Variants in HUNK observed in about 807,000 individuals in gnomAD.
HUNK encodes hormonally up-regulated Neu-associated kinase.
In HUNK, 21 loss-of-function variants were observed where a neutral mutation model predicts 61.0. The ratio of observed to expected loss-of-function variants is 0.34; its 90% CI spans 0.24 to 0.50. The LOEUF (loss-of-function observed/expected upper bound fraction) is 0.50. Ranked by LOEUF, HUNK falls within the 20% of genes least tolerant of loss-of-function variation. The probability of loss-of-function intolerance (pLI) is 0.98; values close to 1 mark genes in which losing one functional copy is unlikely to be tolerated. For synonymous variants in HUNK, 371 were observed against 386.1 expected, an observed-to-expected ratio of 0.96 and a Z score of 0.46; for missense variants, 772 against 945.7, an observed-to-expected ratio of 0.82 and a Z score of 2.41.
intron 4 of HUNK, among the ~76,000 whole-genome samples, chr21:31,957,978 C>T (rs1190226267): frequency 6.6e-6 from 1 of 152,316 alleles, no homozygotes; most frequent in Admixed American, 6.5e-5. Context: ...GTGACTGGAG[C>T]TTCCACTGTA....
intron 7 of HUNK, among the ~76,000 whole-genome samples, chr21:31,981,862 T>C (rs13046677): frequency 3.7e-4 from 55 of 149,240 alleles, no homozygotes; most frequent in Middle Eastern, 3.4e-3. Flanking sequence ...TATTTACTTA[T>C]TTATTTAGTT....
chr21:31,874,145 GGGGCTTGGGAGGGGAC>G (rs1174781025), intron 1 of HUNK, among the ~76,000 whole-genome samples: 1 of 152,052 alleles, frequency 6.6e-6, no homozygotes, highest in East Asian at 2.0e-4. Context: ...CCGGGGGTTG[GGGGCTTGGGAGGGGAC>G]GGCCTTGCCC....
At chr21:31,993,236 C>T (rs2053182942) in intron 9 of HUNK, among the ~76,000 whole-genome samples, 1 of 152,154 alleles carries the variant, frequency 6.6e-6, no homozygotes, top group Non-Finnish European at 1.5e-5. Context: ...ACGCATTACA[C>T]ACCACTAGGT....
At chr21:31,897,954 G>A (rs2052436856) in intron 1 of HUNK, among the ~76,000 whole-genome samples, 1 of 152,142 alleles carries the variant, frequency 6.6e-6, no homozygotes, top group South Asian at 2.1e-4. Flanking sequence ...AAGTGCACTT[G>A]GGCTTATGGT....
chr21:31,950,177 G>A (rs79998515), intron 4 of HUNK, among the ~76,000 whole-genome samples: 4,383 of 152,240 alleles, frequency 0.029, 218 homozygotes, highest in East Asian at 0.16. Flanking sequence ...TGTGGTAATG[G>A]CTGTGGAGGA....
At chr21:31,938,944 C>T (rs79296590) in intron 2 of HUNK, among the ~76,000 whole-genome samples, 5,411 of 152,272 alleles carry the variant, frequency 0.036, 295 homozygotes, top group African/African-American at 0.12. Flanking sequence ...ATGATCTCAT[C>T]GGTAATCTGG....
At chr21:31,977,305 A>C (rs2053057147) in intron 7 of HUNK, among the ~76,000 whole-genome samples, 1 of 152,216 alleles carries the variant, frequency 6.6e-6, no homozygotes, top group Non-Finnish European at 1.5e-5. Flanking sequence ...TAAGAATTTA[A>C]ATAGTCTTCA....
chr21:31,979,319 A>T (rs1264163545), intron 7 of HUNK, among the ~76,000 whole-genome samples: 2 of 151,456 alleles, frequency 1.3e-5, no homozygotes, highest in African/African-American at 4.9e-5. Context: ...GGGTTTCACC[A>T]TGTTGGCCAG....
At chr21:31,940,740 G>A (rs935806693) in intron 3 of HUNK, among the ~76,000 whole-genome samples, 2 of 152,152 alleles carry the variant, frequency 1.3e-5, no homozygotes, top group African/African-American at 4.8e-5. Context: ...CATAATTCAT[G>A]GTCCATAGCA....
chr21:31,907,050 C>T (rs537491417), intron 1 of HUNK, among the ~76,000 whole-genome samples: 1 of 152,226 alleles, frequency 6.6e-6, no homozygotes, highest in Non-Finnish European at 1.5e-5. Flanking sequence ...TGGCAGGCAC[C>T]TGTAATCCCA....
At chr21:31,903,172 G>T (rs1278051693) in intron 1 of HUNK, among the ~76,000 whole-genome samples, 1 of 151,942 alleles carries the variant, frequency 6.6e-6, no homozygotes, top group Non-Finnish European at 1.5e-5. Flanking sequence ...ATGGGGCCCA[G>T]TGGGATAGAA....
chr21:31,885,063 T>C (rs1347256202), intron 1 of HUNK, among the ~76,000 whole-genome samples: 1 of 151,868 alleles, frequency 6.6e-6, no homozygotes, highest in Non-Finnish European at 1.5e-5. Flanking sequence ...CAGGCACGAG[T>C]CATCGCGCCT....
chr21:32,000,322 T>A lies in HUNK; in HGVS notation c.*1138T>A, dbSNP rs1266042505. On this transcript the variant is annotated 3_prime_UTR_variant, in exon 11 of 11. Transcript: ENST00000270112. The stretch of plus-strand genomic sequence containing the variant: ...AGAACCTGTTCAGATACAGGCCAGT[T>A]TCTTCTTCGAGGAAAGCCAAGCTCC... 5.0e-6 allele frequency: 2 copies of A among 398,928 alleles called. No homozygotes were observed. The highest frequency in any genetic ancestry group is 8.8e-6 in the Non-Finnish European group (2 of 226,104). The allele number at this position is 398,928 out of a possible 1,614,324, so 24.7% of individuals were successfully genotyped here. A position where few individuals can be genotyped will look rare whatever the true frequency, so the allele number is the denominator to read the frequency against.
rs2053257971 is a variant in HUNK at position 32,003,273 on chromosome 21, T to C, written c.*4089T>C. The C allele has an allele frequency of 6.6e-6, 1 of 152,206 alleles. No homozygotes were observed. The highest frequency in any genetic ancestry group is 1.5e-5 in the Non-Finnish European group (1 of 68,034). The allele number at this position is 152,206 out of a possible 1,614,324, so 9.4% of individuals were successfully genotyped here. The stretch of plus-strand genomic sequence containing the variant: ...ACCTTATGCTGTTTGTCCCATCCAC[T>C]CTTGAAGCTGGGGAAAGACAGCTTT... On this transcript the variant is annotated 3_prime_UTR_variant, in exon 11 of 11. Coordinates refer to ENST00000270112, the MANE Select transcript of HUNK (RefSeq NM_014586.2).
Position 31,924,395 on chromosome 21 carries a change from T to C in HUNK, c.262-73T>C. The C allele has an allele frequency of 1.4e-6, 2 of 1,427,114 alleles. No individual in the cohort carries two copies. Among genetic ancestry groups the C allele is most frequent in the East Asian group, 4.6e-5 (2 of 43,548 alleles). The allele number at this position is 1,427,114 out of a possible 1,614,324, so 88.4% of individuals were successfully genotyped here. On this transcript the variant is annotated intron_variant, in intron 1 of 10. Transcript: ENST00000270112. The surrounding 1 kb of genome is among the most constrained non-coding windows in gnomAD (Gnocchi z 5.1). ...AGACATAGCTAGCATTTTTCTTGGGTTCCTGTGAGTAGCCAAGGCATCGCT... is the reference window on the plus strand; with the variant it reads ...AGACATAGCTAGCATTTTTCTTGGGCTCCTGTGAGTAGCCAAGGCATCGCT...
chr21:31,964,754 G>C (rs77044473), intron 5 of HUNK, among the ~76,000 whole-genome samples: 4 of 152,154 alleles, frequency 2.6e-5, no homozygotes, highest in Admixed American at 6.5e-5. Flanking sequence ...AAGAAAATTC[G>C]TCAGCGGAGA....
chr21:31,997,657 A>C (rs2053215185), intron 10 of HUNK, among the ~76,000 whole-genome samples: 1 of 152,212 alleles, frequency 6.6e-6, no homozygotes, highest in Non-Finnish European at 1.5e-5. Flanking sequence ...CAACAGTGTG[A>C]ATATACTTAT....
intron 2 of HUNK, among the ~76,000 whole-genome samples, chr21:31,930,491 C>T (rs1601383883): frequency 6.6e-6 from 1 of 152,210 alleles, no homozygotes; most frequent in African/African-American, 2.4e-5. Flanking sequence ...CTTCAGGTCC[C>T]AGCTCCAGGC....
rs1305668704 is a variant in HUNK at position 31,990,136 on chromosome 21, T to A, written c.1265T>A (p.Leu422Gln). 6.2e-6 allele frequency: 10 copies of A among 1,613,936 alleles called. No homozygotes were observed. Among genetic ancestry groups the A allele is most frequent in the Non-Finnish European group, 8.5e-6 (10 of 1,179,848 alleles). Residue 422 changes from leucine (L) to glutamine (Q), a missense_variant, in exon 9 of 11, where the codon CTG becomes CAG. Transcript: ENST00000270112. ...GGATGTTCCTTTTCACAGGCCTCTC[T>A]GGACACCTGGACACGAGATCTTGAA... ...RAPKESYEASLDTWTRDLEFH... is the reference protein window; with the variant it reads ...RAPKESYEASQDTWTRDLEFH...
Sources: allele counts gnomAD v4.1 joint callset (sites outside exome capture counted in the v4.1 genomes callset), GRCh38; gene constraint gnomAD v4.1.1; non-coding constraint Gnocchi (gnomAD v3.1); transcripts MANE v1.5; gene names NCBI Gene and HGNC (gene_info 2026-07-23, HGNC 2026-07-21).